Variants in GPBP1L1 observed in about 807,000 individuals in gnomAD.
The protein encoded by GPBP1L1 is vasculin-like protein 1.
In GPBP1L1, 23 loss-of-function variants were observed where a neutral mutation model predicts 52.5. The ratio of observed to expected loss-of-function variants is 0.44; its 90% CI spans 0.32 to 0.62. GPBP1L1 has a LOEUF of 0.62. GPBP1L1 is among the 20% of genes least tolerant of loss of function. The pLI, the probability that GPBP1L1 is intolerant of heterozygous loss-of-function variation, is 0.06. For missense variants in GPBP1L1, 596 were observed against 579.3 expected, an observed-to-expected ratio of 1.03 and a Z score of -0.30; for synonymous variants, 243 against 203.1, an observed-to-expected ratio of 1.20 and a Z score of -1.67.
chr1:45,662,758 A>T (rs1479566326), intron 2 of GPBP1L1, among the ~76,000 whole-genome samples: 1 of 152,178 alleles, frequency 6.6e-6, no homozygotes, highest in African/African-American at 2.4e-5. Context: ...TCTAACACTT[A>T]AAAGAATATT....
At chr1:45,684,056 A>C (rs1645247380) in intron 2 of GPBP1L1, among the ~76,000 whole-genome samples, 1 of 151,904 alleles carries the variant, frequency 6.6e-6, no homozygotes, top group African/African-American at 2.4e-5. Flanking sequence ...TCAGGAGTTC[A>C]AGACCAGCCT....
intron 6 of GPBP1L1, chr1:45,651,513 C>T (rs4609469): frequency 0.31 from 157,501 of 501,466 alleles, 25,210 homozygotes; most frequent in South Asian, 0.39. Context: ...TCTTGCTTTG[C>T]CTCTGATCTG....
At chr1:45,669,633 CCT>C (rs1052860867) in intron 2 of GPBP1L1, among the ~76,000 whole-genome samples, 13 of 152,104 alleles carry the variant, frequency 8.5e-5, no homozygotes, top group Non-Finnish European at 1.3e-4. Flanking sequence ...CCTCCAACCC[CCT>C]GCCAAAATTG....
At chr1:45,672,234 C>T (rs1265760781) in intron 2 of GPBP1L1, among the ~76,000 whole-genome samples, 2 of 151,578 alleles carry the variant, frequency 1.3e-5, no homozygotes, top group East Asian at 1.9e-4. Context: ...GGTGGCCAGG[C>T]GCTTGTAGTC....
In GPBP1L1 at chr1:45,676,814, A is replaced by G. The variant is rs539487129; in HGVS notation, c.-1098+8762T>C. On this transcript the variant is annotated intron_variant, in intron 2 of 12. Coordinates refer to ENST00000355105, the MANE Select transcript of GPBP1L1 (RefSeq NM_021639.5). ...GGATCCCTTGAATCCAGGAGGTCTA[A>G]GCTGCAGTGAGCCATGATTGTGCCA... is the stretch of plus-strand genomic sequence containing the variant. 5.9e-5 allele frequency among the ~76,000 whole-genome samples: 9 copies of G among 151,618 alleles called. 1 individual carries two copies. In the South Asian group the frequency reaches 1.9e-3, roughly 32 times the overall value.
At chr1:45,655,146 A>C (rs1203588369) in intron 5 of GPBP1L1, 44 bp downstream of exon 5, 2 of 1,612,480 alleles carry the variant, frequency 1.2e-6, no homozygotes, top group East Asian at 2.2e-5. Flanking sequence ...GCTTGTCCTA[A>C]ATGAGTAGCT....
In GPBP1L1 at chr1:45,642,750, A is replaced by C. The variant is rs193143350; in HGVS notation, c.478-251T>G. 3.5e-4 allele frequency among the ~76,000 whole-genome samples: 53 copies of C among 152,362 alleles called. 1 individual carries two copies. Among genetic ancestry groups the C allele is most frequent in the African/African-American group, 1.3e-3 (52 of 41,588 alleles). ...TGATATAAGGGATTTCATTTATTTT[A>C]AATAAACAGACTAAATGTGCGAATT... is the stretch of plus-strand genomic sequence containing the variant. On this transcript the variant is annotated intron_variant, in intron 6 of 12. Transcript: ENST00000355105.
At chr1:45,687,257 C>T (rs1464532790), upstream of GPBP1L1, 1 of 152,322 alleles carries the variant, frequency 6.6e-6, no homozygotes, top group East Asian at 1.9e-4. Flanking sequence ...GCCGTTTCTC[C>T]TACCTGAAGT....
chr1:45,658,784 A>C (rs1644912770), intron 4 of GPBP1L1: 1 of 462,028 alleles, frequency 2.2e-6, no homozygotes, highest in Non-Finnish European at 3.8e-6. Context: ...CAACAACAAA[A>C]ACAAAAATTA....
intron 6 of GPBP1L1, among the ~76,000 whole-genome samples, chr1:45,647,149 T>A (rs1014243645): frequency 6.6e-6 from 1 of 150,672 alleles, no homozygotes; most frequent in African/African-American, 2.4e-5. Context: ...TTTTTTTTTT[T>A]AAACCAACTT....
chr1:45,642,367 C>A (rs923255076), intron 7 of GPBP1L1, 60 bp downstream of exon 7: 2 of 1,069,302 alleles, frequency 1.9e-6, no homozygotes, highest in Non-Finnish European at 2.9e-6. Flanking sequence ...AATCTTTGCT[C>A]CCCTCCCTGC....
chr1:45,683,600 C>T (rs912528593), intron 2 of GPBP1L1, among the ~76,000 whole-genome samples: 6 of 150,738 alleles, frequency 4.0e-5, no homozygotes, highest in Non-Finnish European at 7.4e-5. Context: ...TTAGACCTGG[C>T]GCTGTGGCTC....
chr1:45,651,616 A>G (rs779199452), intron 6 of GPBP1L1: 43 of 685,106 alleles, frequency 6.3e-5, no homozygotes, highest in Non-Finnish European at 1.0e-4. Context: ...TCAGCTGCAT[A>G]TAGAGGATGG....
In GPBP1L1 at chr1:45,627,367, G is replaced by A. The variant is rs1377496196; in HGVS notation, c.*889C>T. ...GTTTTTCTGCATCAAAAAAGTATCT[G>A]CTAAAATAGAGAAACAGTTGTGTCT... is the stretch of plus-strand genomic sequence containing the variant. On this transcript the variant is annotated 3_prime_UTR_variant, in exon 13 of 13. Transcript: ENST00000355105. 1.4e-5 allele frequency: 2 copies of A among 140,304 alleles called. No individual in the cohort carries two copies. The highest frequency in any genetic ancestry group is 3.2e-5 in the Non-Finnish European group (2 of 62,624). 8.7% of individuals were successfully genotyped at this position (140,304 alleles called of 1,614,324 possible). A position where few individuals can be genotyped will look rare whatever the true frequency, so the allele number is the denominator to read the frequency against.
chr1:45,674,468 T>C (rs1645114934), intron 2 of GPBP1L1, among the ~76,000 whole-genome samples: 1 of 152,192 alleles, frequency 6.6e-6, no homozygotes. Context: ...TATTAACATA[T>C]CCTGATCTTC....
At chr1:45,634,503 G>C (rs756168028) in intron 8 of GPBP1L1, 13 of 314,148 alleles carry the variant, frequency 4.1e-5, no homozygotes, top group Non-Finnish European at 7.0e-5. Context: ...GAGTTTGGGA[G>C]GTGCCGGGGT....
intron 6 of GPBP1L1, chr1:45,651,236 G>A: frequency 2.4e-6 from 1 of 421,432 alleles, no homozygotes; most frequent in East Asian, 6.1e-5. Context: ...AGTGGTGCAG[G>A]TCTTTCTGTG....
intron 2 of GPBP1L1, among the ~76,000 whole-genome samples, chr1:45,673,900 C>G (rs1365368594): frequency 6.6e-6 from 1 of 152,016 alleles, no homozygotes; most frequent in African/African-American, 2.4e-5. Context: ...AACAAAGAAC[C>G]CTAATCAATA....
At chr1:45,647,983 C>G (rs991948364) in intron 6 of GPBP1L1, among the ~76,000 whole-genome samples, 3 of 152,184 alleles carry the variant, frequency 2.0e-5, no homozygotes, top group Admixed American at 2.0e-4. Flanking sequence ...CTCTGTTACC[C>G]AGGGTGGAAT....
Sources: allele counts gnomAD v4.1 joint callset (sites outside exome capture counted in the v4.1 genomes callset), GRCh38; gene constraint gnomAD v4.1.1; transcripts MANE v1.5; gene names NCBI Gene and HGNC (gene_info 2026-07-23, HGNC 2026-07-21).